Variants in DCAF1 observed in about 807,000 individuals in gnomAD.
DCAF1 encodes the protein DDB1- and CUL4-associated factor 1.
In DCAF1, 15 loss-of-function variants were observed where a neutral mutation model predicts 128.0. That is an observed-to-expected ratio of 0.12 (90% CI 0.08 to 0.18). The LOEUF (loss-of-function observed/expected upper bound fraction) is 0.18. DCAF1 is among the 10% of genes least tolerant of loss of function. The pLI, the probability that DCAF1 is intolerant of heterozygous loss-of-function variation, is 1.00. For missense variants in DCAF1, 988 were observed against 1,649.5 expected (o/e 0.60, Z 6.95); for synonymous variants, 610 against 603.0 (o/e 1.01, Z -0.17).
intron 13 of DCAF1, among the ~76,000 whole-genome samples, chr3:51,423,088 A>C (rs1577097092): frequency 6.6e-6 from 1 of 152,060 alleles, no homozygotes; most frequent in Non-Finnish European, 1.5e-5. Context: ...AAAAAAGAAA[A>C]ATGAAAAAAA....
chr3:51,485,658 T>C (rs1351865297), intron 2 of DCAF1, among the ~76,000 whole-genome samples: 1 of 152,200 alleles, frequency 6.6e-6, no homozygotes, highest in Non-Finnish European at 1.5e-5. Flanking sequence ...TGATCTAAAA[T>C]GAACTCTTCT....
rs183869965 is a variant in DCAF1, at chr3:51,495,753, T to C, written c.-9+981A>G. On this transcript the variant is annotated intron_variant, in intron 2 of 24. Coordinates refer to ENST00000684031, the MANE Select transcript of DCAF1 (RefSeq NM_001387579.1). ...ATGAAAAAAATTTAAAAATCAGTAG[T>C]AGTAGTACTTACTTCAATGTTCGTT... Among the ~76,000 whole-genome samples, 114 of 152,058 alleles carry C rather than the reference T, an allele frequency of 7.5e-4. 2 individuals are homozygous for C. The East Asian group carries it at 0.02, about 27-fold the overall frequency.
At chr3:51,500,894 CTCAA>C (rs35955108), upstream of DCAF1, among the ~76,000 whole-genome samples, 10,995 of 151,182 alleles carry the variant, frequency 0.073, 938 homozygotes, top group East Asian at 0.33. Flanking sequence ...TCACTACAGC[CTCAA>C]TCAACCTCCT....
intron 6 of DCAF1, among the ~76,000 whole-genome samples, chr3:51,456,329 C>G (rs1277369193): frequency 1.3e-5 from 2 of 152,224 alleles, no homozygotes; most frequent in Non-Finnish European, 2.9e-5. Context: ...AGTCCCAGAT[C>G]AAACTGCAAG....
In DCAF1 at chr3:51,407,180, CA is replaced by C. The variant is rs1165134977; in HGVS notation, c.4213-3786del. On this transcript the variant is annotated intron_variant, in intron 23 of 24. Coordinates refer to ENST00000684031, the MANE Select transcript of DCAF1 (RefSeq NM_001387579.1). ...TCTCAAAAAAAAAAAAAAAAAAAAA[CA>C]ACAACAAAACCGTCATTCAAATCTG... is the stretch of plus-strand genomic sequence containing the variant. Among the ~76,000 whole-genome samples the C allele has an allele frequency of 9.6e-5, 11 of 114,328 alleles. No individual in the cohort carries two copies. The South Asian group carries it at 1.1e-3, about 12-fold the overall frequency. 75.0% of individuals were successfully genotyped at this position (114,328 alleles called of 152,430 possible).
intron 1 of DCAF1, among the ~76,000 whole-genome samples, chr3:51,497,248 T>A (rs1390353990): frequency 6.6e-6 from 1 of 151,788 alleles, no homozygotes; most frequent in Non-Finnish European, 1.5e-5. Flanking sequence ...TGGGCAAAGA[T>A]CGCACCACTG....
intron 6 of DCAF1, among the ~76,000 whole-genome samples, chr3:51,462,745 C>CAAAAAAAA (rs10715121): frequency 1.3e-5 from 1 of 79,362 alleles, no homozygotes; most frequent in Non-Finnish European, 2.6e-5. Context: ...GACACCATCT[C>CAAAAAAAA]AAAAAAAAAA....
intron 17 of DCAF1, among the ~76,000 whole-genome samples, chr3:51,417,770 A>G: frequency 7.4e-6 from 1 of 135,626 alleles, no homozygotes; most frequent in African/African-American, 2.7e-5. Flanking sequence ...AAAGGAGAGG[A>G]GAAGAGAGGA....
intron 20 of DCAF1, 92 bp downstream of exon 20, chr3:51,413,858 C>A: frequency 7.7e-7 from 1 of 1,298,230 alleles, no homozygotes; most frequent in South Asian, 2.7e-5. Context: ...CTTTCCAATT[C>A]ACAAGTGAGA....
chr3:51,399,394 G>T (rs2089477158), intron 24 of DCAF1, among the ~76,000 whole-genome samples: 1 of 152,166 alleles, frequency 6.6e-6, no homozygotes, highest in South Asian at 2.1e-4. Context: ...AATATAGTCT[G>T]CAAATTATAT....
At chr3:51,490,338 G>A (rs1383266147) in intron 2 of DCAF1, among the ~76,000 whole-genome samples, 4 of 152,118 alleles carry the variant, frequency 2.6e-5, no homozygotes, top group Non-Finnish European at 4.4e-5. Flanking sequence ...GGCTGAGGTG[G>A]GAGAATCACC....
chr3:51,403,501 G>T (rs1237421033), intron 23 of DCAF1, 106 bp from the exon 24 acceptor site: 2 of 1,480,652 alleles, frequency 1.4e-6, no homozygotes, highest in African/African-American at 2.8e-5. Flanking sequence ...GTCAGTAGAG[G>T]GTAGTAGTGA....
chr3:51,422,439 G>A lies in DCAF1; in HGVS notation c.1848-8C>T. On this transcript the variant is annotated splice_polypyrimidine_tract_variant and splice_region_variant and intron_variant, in intron 13 of 24. Coordinates refer to ENST00000684031, the MANE Select transcript of DCAF1 (RefSeq NM_001387579.1). Reference sequence around the variant, plus strand: ...AAGCGCACAGTGTCATTCCTGGACAGGAAGAATTAGTCAAAGGGAAATTAG... The same window carrying A: ...AAGCGCACAGTGTCATTCCTGGACAAGAAGAATTAGTCAAAGGGAAATTAG... The A allele has an allele frequency of 4.2e-6, 3 of 719,568 alleles. No individual in the cohort carries two copies. In the South Asian group the frequency reaches 4.4e-5, roughly 11 times the overall value. The allele number at this position is 719,568 out of a possible 1,614,324, so 44.6% of individuals were successfully genotyped here. A position where few individuals can be genotyped will look rare whatever the true frequency, so the allele number is the denominator to read the frequency against.
chr3:51,422,436 A>G lies in DCAF1; in HGVS notation c.1848-5T>C. 1.4e-6 allele frequency: 1 copy of G among 720,232 alleles called. No homozygotes were observed. The highest frequency in any genetic ancestry group is 2.6e-6 in the Non-Finnish European group (1 of 385,808). The allele number at this position is 720,232 out of a possible 1,614,324, so 44.6% of individuals were successfully genotyped here. On this transcript the variant is annotated splice_polypyrimidine_tract_variant and splice_region_variant and intron_variant, in intron 13 of 24. Coordinates refer to ENST00000684031, the MANE Select transcript of DCAF1 (RefSeq NM_001387579.1). ...GCAAAGCGCACAGTGTCATTCCTGG[A>G]CAGGAAGAATTAGTCAAAGGGAAAT... is the stretch of plus-strand genomic sequence containing the variant.
intron 4 of DCAF1, among the ~76,000 whole-genome samples, chr3:51,470,354 A>T (rs984498842): frequency 6.6e-6 from 1 of 152,196 alleles, no homozygotes; most frequent in Non-Finnish European, 1.5e-5. Context: ...TGTGTCCAGG[A>T]GTTCGAGACC....
At chr3:51,496,907 T>A (rs1289629199) in intron 1 of DCAF1, among the ~76,000 whole-genome samples, 127 bp from the exon 2 acceptor site, 1 of 152,146 alleles carries the variant, frequency 6.6e-6, no homozygotes, top group Non-Finnish European at 1.5e-5. Context: ...GCTAGGGTAT[T>A]TAGGGATGAC....
chr3:51,415,058 G>A (rs189443270), intron 18 of DCAF1, among the ~76,000 whole-genome samples: 87 of 152,006 alleles, frequency 5.7e-4, no homozygotes, highest in African/African-American at 2.0e-3. Context: ...TCTTTTTCTC[G>A]GGGTTCCATT....
rs1308630376 is a variant in DCAF1 at position 51,398,002 on chromosome 3, T to C, written c.*767A>G. 1 of 163,986 alleles carries C rather than the reference T, an allele frequency of 6.1e-6. No homozygotes were observed. The highest frequency in any genetic ancestry group is 1.9e-4 in the East Asian group (1 of 5,194). 10.2% of individuals were successfully genotyped at this position (163,986 alleles called of 1,614,324 possible). The stretch of plus-strand genomic sequence containing the variant: ...ACAAAGAAAAATAGAGGGAGTGAAC[T>C]TATATCCTAAGTTCCCTCAACTCCA... On this transcript the variant is annotated 3_prime_UTR_variant, in exon 25 of 25. Coordinates refer to ENST00000684031, the MANE Select transcript of DCAF1 (RefSeq NM_001387579.1).
intron 6 of DCAF1, among the ~76,000 whole-genome samples, chr3:51,459,331 C>G (rs541356468): frequency 1.5e-4 from 23 of 152,300 alleles, no homozygotes; most frequent in Non-Finnish European, 2.5e-4. Flanking sequence ...TTCCTCGACA[C>G]ATACATCCTC....
Sources: gnomAD v4.1 joint callset for allele counts (sites outside exome capture counted in the v4.1 genomes callset) on GRCh38, gnomAD v4.1.1 for gene constraint, MANE v1.5 for transcripts, NCBI Gene and HGNC (gene_info 2026-07-23, HGNC 2026-07-21) for gene names.